The following ZBTB37 variants were observed in gnomAD, a reference collection of about 807,000 sequenced individuals.
ZBTB37 encodes the protein zinc finger and BTB domain-containing protein 37.
ZBTB37 carries 15 observed loss-of-function variants against 37.7 expected under a neutral mutation model. The observed-to-expected ratio is 0.40, with a 90% CI of 0.27 to 0.61. The LOEUF (loss-of-function observed/expected upper bound fraction) is 0.61, where lower values mean the gene tolerates loss of function less well. Ranked by LOEUF, ZBTB37 falls within the 20% of genes least tolerant of loss-of-function variation. ZBTB37 has a pLI of 0.44. For synonymous variants in ZBTB37, 231 were observed against 220.6 expected, an observed-to-expected ratio of 1.05 and a Z score of -0.42; for missense variants, 514 against 641.9, an observed-to-expected ratio of 0.80 and a Z score of 2.15.
intron 3 of ZBTB37, 31 bp downstream of exon 3, chr1:173,871,179 T>C (rs1198414953): frequency 6.5e-7 from 1 of 1,540,822 alleles, no homozygotes; most frequent in African/African-American, 1.4e-5. Context: ...TTTTCCCATG[T>C]AATGGCTATT....
exon 4 of ZBTB37, chr1:173,893,800 A>G (rs1370860472): frequency 6.6e-6 from 1 of 152,262 alleles, no homozygotes; most frequent in African/African-American, 2.4e-5. Flanking sequence ...GAAGAAACAG[A>G]CACAACTGAC....
At chr1:173,883,185 AAG>A (rs1423230836) in intron 4 of ZBTB37, among the ~76,000 whole-genome samples, 1 of 152,184 alleles carries the variant, frequency 6.6e-6, no homozygotes, top group African/African-American at 2.4e-5. Context: ...ATTTAGAAAA[AAG>A]AGTACTGTTG....
downstream of ZBTB37, chr1:173,888,002 A>G (rs2102753948): frequency 6.6e-6 from 1 of 152,362 alleles, no homozygotes; most frequent in South Asian, 2.1e-4. Flanking sequence ...AGGTTATTTT[A>G]TCTTCTGAAA....
chr1:173,899,740 A>C (rs1451454585), exon 4 of ZBTB37: 1 of 152,230 alleles, frequency 6.6e-6, no homozygotes, highest in Non-Finnish European at 1.5e-5. Context: ...TCATGGCAGG[A>C]TAACCTCAAT....
exon 4 of ZBTB37, chr1:173,898,717 C>T (rs1657149760): frequency 6.6e-6 from 1 of 152,214 alleles, no homozygotes; most frequent in Non-Finnish European, 1.5e-5. Flanking sequence ...GGCAGACCAC[C>T]TAATCTTTAA....
chr1:173,878,682 T>A (rs1390712869), intron 4 of ZBTB37, among the ~76,000 whole-genome samples: 1 of 152,264 alleles, frequency 6.6e-6, no homozygotes, highest in Non-Finnish European at 1.5e-5. Flanking sequence ...TAGCTTCTAG[T>A]GGTAAACATT....
intron 4 of ZBTB37, among the ~76,000 whole-genome samples, chr1:173,874,594 G>GCCTGCC (rs1655814975): frequency 6.6e-6 from 1 of 152,016 alleles, no homozygotes; most frequent in Non-Finnish European, 1.5e-5. Context: ...CTCATGATCC[G>GCCTGCC]CCTGCCTCGG....
chr1:173,881,492 A>C (rs1432932241), intron 4 of ZBTB37, among the ~76,000 whole-genome samples: 1 of 152,212 alleles, frequency 6.6e-6, no homozygotes, highest in Non-Finnish European at 1.5e-5. Context: ...GCTGAGTCAA[A>C]TGGTATTTCT....
chr1:173,874,482 C>G (rs1572053904), intron 4 of ZBTB37, among the ~76,000 whole-genome samples: 2 of 152,006 alleles, frequency 1.3e-5, no homozygotes, highest in East Asian at 3.9e-4. Flanking sequence ...TCCCAAGTAG[C>G]TGGGACTACA....
chr1:173,899,801 C>G (rs532732901), exon 4 of ZBTB37: 15 of 152,276 alleles, frequency 9.9e-5, no homozygotes, highest in African/African-American at 2.6e-4. Context: ...ATGCATGGCT[C>G]TCAATTCAAA....
rs948697967 is a variant in ZBTB37, at chr1:173,881,924, A to G, written c.1024-3712A>G. 6.0e-4 allele frequency among the ~76,000 whole-genome samples: 91 copies of G among 151,896 alleles called. 2 individuals are homozygous for G. Among genetic ancestry groups the G allele is most frequent in the Admixed American group, 3.6e-3 (55 of 15,256 alleles). On this transcript the variant is annotated intron_variant, in intron 4 of 4. Transcript: ENST00000427304. ...AAAATATTAGCCGGGTGTGGTGGCA[A>G]GCGCCTGTAGTCCCAGCTACTCAGG... is the stretch of plus-strand genomic sequence containing the variant.
intron 4 of ZBTB37, 111 bp downstream of exon 4, chr1:173,873,677 T>A: frequency 6.8e-7 from 1 of 1,473,298 alleles, no homozygotes; most frequent in African/African-American, 1.4e-5. Context: ...ATGGCCCTGT[T>A]AAAGAAATAC....
downstream of ZBTB37, chr1:173,890,430 A>G (rs1656798045): frequency 6.6e-6 from 1 of 152,178 alleles, no homozygotes; most frequent in African/African-American, 2.4e-5. Context: ...TACAAGAGGC[A>G]TGATTTTTTT....
rs774369484 is a variant in ZBTB37 at position 173,873,670 on chromosome 1, G to T, written c.1023+104G>T. ...AAAAGATGTAGGAGAGGTAACAATG[G>T]CCCTGTTAAAGAAATACTGTATTTT... On this transcript the variant is annotated intron_variant, in intron 4 of 4. Transcript: ENST00000427304. 5 of 1,494,588 alleles carry T rather than the reference G, an allele frequency of 3.3e-6. No individual in the cohort carries two copies. The Admixed American group carries it at 1.1e-4, about 33-fold the overall frequency. 92.6% of individuals were successfully genotyped at this position (1,494,588 alleles called of 1,614,324 possible).
intron 3 of ZBTB37, 119 bp downstream of exon 3, chr1:173,871,267 A>T: frequency 2.0e-6 from 2 of 1,023,288 alleles, no homozygotes; most frequent in Non-Finnish European, 2.8e-6. Flanking sequence ...AAATAAGTTG[A>T]TGATGGGGAA....
At chr1:173,884,661 CA>C (rs1354165280) in intron 4 of ZBTB37, among the ~76,000 whole-genome samples, 8 of 151,888 alleles carry the variant, frequency 5.3e-5, no homozygotes, top group Non-Finnish European at 1.2e-4. Context: ...AAATTGTATA[CA>C]TTTTTATAAA....
downstream of ZBTB37, chr1:173,889,899 C>G (rs1216730346): frequency 6.6e-6 from 1 of 152,190 alleles, no homozygotes; most frequent in Non-Finnish European, 1.5e-5. Flanking sequence ...CCAGTTCCCT[C>G]TACATCAGTG....
intron 4 of ZBTB37, among the ~76,000 whole-genome samples, chr1:173,883,418 G>A (rs949789735): frequency 2.0e-5 from 3 of 152,172 alleles, no homozygotes; most frequent in Non-Finnish European, 4.4e-5. Context: ...GGCGGAGGTT[G>A]TGATGAGCCG....
chr1:173,885,383 T>C (rs2102749726), intron 4 of ZBTB37, among the ~76,000 whole-genome samples: 1 of 152,330 alleles, frequency 6.6e-6, no homozygotes, highest in East Asian at 1.9e-4. Context: ...AGCAGGGGTT[T>C]AATAAGCATC....
Sources: gnomAD v4.1 joint callset for allele counts (sites outside exome capture counted in the v4.1 genomes callset) on GRCh38, gnomAD v4.1.1 for gene constraint, MANE v1.5 for transcripts, NCBI Gene and HGNC (gene_info 2026-07-23, HGNC 2026-07-21) for gene names.